Variants in RAB6A observed in about 807,000 individuals in gnomAD.
RAB6A encodes the protein ras-related protein Rab-6A.
RAB6A carries 8 observed loss-of-function variants against 32.3 expected under a neutral mutation model. That is an observed-to-expected ratio of 0.25 (90% CI 0.15 to 0.45). The LOEUF is 0.45. RAB6A is among the 20% of genes least tolerant of loss of function. The pLI is 1.00. For synonymous variants in RAB6A, 73 were observed against 82.1 expected, an observed-to-expected ratio of 0.89 and a Z score of 0.60; for missense variants, 104 against 249.4, an observed-to-expected ratio of 0.42 and a Z score of 3.93.
At chr11:73,725,054 AGGGCATTTACTGCAGTATACT>A (rs772869939) in intron 2 of RAB6A, among the ~76,000 whole-genome samples, 1 of 152,208 alleles carries the variant, frequency 6.6e-6, no homozygotes, top group Non-Finnish European at 1.5e-5. Context: ...TGATAGGAGG[AGGGCATTTACTGCAGTATACT>A]GGAATGAAAG....
At chr11:73,718,489 T>C in intron 4 of RAB6A, 124 bp downstream of exon 4, 2 of 782,810 alleles carry the variant, frequency 2.6e-6, no homozygotes, top group Non-Finnish European at 2.0e-6. Context: ...GGCTGGTATG[T>C]AATTTACTAT....
At chr11:73,713,788 A>G (rs998895424) in intron 5 of RAB6A, among the ~76,000 whole-genome samples, 4 of 152,202 alleles carry the variant, frequency 2.6e-5, no homozygotes, top group Non-Finnish European at 4.4e-5. Flanking sequence ...ACAAGCTGTA[A>G]TTCTTTTAAA....
chr11:73,745,283 C>T (rs1277049302), intron 1 of RAB6A, among the ~76,000 whole-genome samples: 1 of 152,100 alleles, frequency 6.6e-6, no homozygotes, highest in African/African-American at 2.4e-5. Flanking sequence ...TCAGTTTCTG[C>T]CTGGCACTGA....
At chr11:73,688,904 T>C (rs968243063) in intron 6 of RAB6A, among the ~76,000 whole-genome samples, 2 of 152,048 alleles carry the variant, frequency 1.3e-5, no homozygotes, top group African/African-American at 4.8e-5. Context: ...GCCGAGGTGG[T>C]TGGATCATTT....
At chr11:73,690,805 G>A (rs1216564079) in intron 6 of RAB6A, among the ~76,000 whole-genome samples, 2 of 150,864 alleles carry the variant, frequency 1.3e-5, no homozygotes, top group African/African-American at 4.9e-5. Flanking sequence ...GGGGGACAGG[G>A]AAGCTAAGTG....
intron 1 of RAB6A, among the ~76,000 whole-genome samples, chr11:73,746,286 G>A (rs963235081): frequency 2.6e-5 from 4 of 152,094 alleles, no homozygotes; most frequent in Non-Finnish European, 5.9e-5. Flanking sequence ...CATTCAAGCT[G>A]TATATTTATG....
At chr11:73,722,341 ATATTTT>A (rs1565365077) in intron 2 of RAB6A, 1 of 8,824 alleles carries the variant, frequency 1.1e-4, no homozygotes, top group African/African-American at 3.2e-4. Context: ...ATATATATAT[ATATTTT>A]TTTTTTTTTT....
intron 7 of RAB6A, 122 bp downstream of exon 7, chr11:73,679,532 T>A (rs756480529): frequency 1.7e-6 from 2 of 1,210,638 alleles, no homozygotes; most frequent in Non-Finnish European, 2.4e-6. Context: ...TGAATTTCTA[T>A]GCCTTTAAGT....
chr11:73,750,569 C>A (rs1362475368), intron 1 of RAB6A, among the ~76,000 whole-genome samples: 1 of 152,086 alleles, frequency 6.6e-6, no homozygotes, highest in Non-Finnish European at 1.5e-5. Context: ...GTTGGCCAAG[C>A]TGGTCTCAAG....
intron 6 of RAB6A, among the ~76,000 whole-genome samples, chr11:73,680,383 G>A (rs1001187097): frequency 3.9e-5 from 6 of 152,316 alleles, no homozygotes; most frequent in Non-Finnish European, 7.3e-5. Context: ...AGGGCTGGAC[G>A]CGGTGGCTCA....
At chr11:73,742,741 T>C (rs989679033) in intron 1 of RAB6A, among the ~76,000 whole-genome samples, 1 of 151,182 alleles carries the variant, frequency 6.6e-6, no homozygotes, top group Non-Finnish European at 1.5e-5. Context: ...ACTCGGGAGA[T>C]GGAGGTTGCA....
At chr11:73,711,258 G>A (rs1395078048) in intron 5 of RAB6A, among the ~76,000 whole-genome samples, 1 of 152,160 alleles carries the variant, frequency 6.6e-6, no homozygotes, top group African/African-American at 2.4e-5. Context: ...GAGCTCCACA[G>A]CAGCAGTCCA....
At chr11:73,722,342 TA>T (rs1210799345) in intron 2 of RAB6A, 5 of 8,462 alleles carry the variant, frequency 5.9e-4, no homozygotes, top group African/African-American at 1.7e-3. Context: ...TATATATATA[TA>T]TTTTTTTTTT....
At chr11:73,720,058 C>T (rs1458573531) in intron 3 of RAB6A, among the ~76,000 whole-genome samples, 5 of 151,698 alleles carry the variant, frequency 3.3e-5, no homozygotes, top group Non-Finnish European at 5.9e-5. Flanking sequence ...TTAAGATATT[C>T]ACTGTTTAGG....
intron 5 of RAB6A, among the ~76,000 whole-genome samples, chr11:73,710,677 C>T (rs1191453183): frequency 6.6e-6 from 1 of 151,336 alleles, no homozygotes; most frequent in East Asian, 1.9e-4. Context: ...GTGGGGGTTG[C>T]AGTGAGCCGA....
At position 73,694,774 on chromosome 11, in the gene RAB6A, G is replaced by A. The variant is rs560224827; in HGVS notation, c.495+12646C>T. Among the ~76,000 whole-genome samples the A allele has an allele frequency of 1.2e-3, 184 of 152,306 alleles. 2 individuals carry two copies. Among genetic ancestry groups the A allele is most frequent in the Non-Finnish European group, 2.0e-3 (139 of 68,032 alleles). On this transcript the variant is annotated intron_variant, in intron 6 of 7. Transcript: ENST00000336083. ...CATGCCTATAATTCCAGCACTCTGGGAGGCCAAGGTGGGCAGATCACTTGA... is the reference window on the plus strand; with the variant it reads ...CATGCCTATAATTCCAGCACTCTGGAAGGCCAAGGTGGGCAGATCACTTGA...
intron 1 of RAB6A, among the ~76,000 whole-genome samples, chr11:73,748,104 A>G (rs759287358): frequency 1.2e-4 from 18 of 152,224 alleles, no homozygotes; most frequent in Non-Finnish European, 1.9e-4. Context: ...TCTTACCTGC[A>G]GCAGTTATTA....
At chr11:73,737,339 C>T (rs528535846) in intron 1 of RAB6A, among the ~76,000 whole-genome samples, 2 of 152,052 alleles carry the variant, frequency 1.3e-5, no homozygotes, top group African/African-American at 4.8e-5. Flanking sequence ...TTAAAATTTA[C>T]TAGAGTGTGG....
At chr11:73,709,351 CGGAG>C (rs1177974542) in intron 5 of RAB6A, among the ~76,000 whole-genome samples, 1 of 151,118 alleles carries the variant, frequency 6.6e-6, no homozygotes. Context: ...GAGGGAGTGA[CGGAG>C]GGAGGGAGAG....
Sources: allele counts gnomAD v4.1 joint callset (sites outside exome capture counted in the v4.1 genomes callset), GRCh38; gene constraint gnomAD v4.1.1; transcripts MANE v1.5; gene names NCBI Gene and HGNC (gene_info 2026-07-23, HGNC 2026-07-21).